Variants in MAPK8 observed in about 807,000 individuals in gnomAD.
MAPK8 encodes mitogen-activated protein kinase 8.
A neutral mutation model predicts 52.9 loss-of-function variants in MAPK8; 13 were observed. That is an observed-to-expected ratio of 0.25 (90% CI 0.16 to 0.39). The LOEUF (loss-of-function observed/expected upper bound fraction) is 0.39, where lower values mean the gene tolerates loss of function less well. MAPK8 is among the 10% of genes least tolerant of loss of function. The pLI, the probability that MAPK8 is intolerant of heterozygous loss-of-function variation, is 1.00. For synonymous variants in MAPK8, 191 were observed against 169.8 expected, an observed-to-expected ratio of 1.12 and a Z score of -0.97; for missense variants, 300 against 519.2, an observed-to-expected ratio of 0.58 and a Z score of 4.10.
chr10:48,388,864 G>T (rs562194535), intron 1 of MAPK8, among the ~76,000 whole-genome samples: 2 of 152,012 alleles, frequency 1.3e-5, no homozygotes, highest in Non-Finnish European at 1.5e-5. Context: ...AGGAGGAACC[G>T]TAAAGTCCAA....
chr10:48,367,773 C>T (rs931926553), intron 1 of MAPK8, among the ~76,000 whole-genome samples: 4 of 152,040 alleles, frequency 2.6e-5, no homozygotes, highest in South Asian at 2.1e-4. Context: ...TAAAATTCAA[C>T]GAAAGATACC....
At chr10:48,406,414 T>C (rs974409863) in intron 3 of MAPK8, among the ~76,000 whole-genome samples, 2 of 152,164 alleles carry the variant, frequency 1.3e-5, no homozygotes, top group African/African-American at 4.8e-5. Context: ...TAATCCTACC[T>C]CTCAAGCCTG....
At position 48,321,089 on chromosome 10, in the gene MAPK8, GT is replaced by G. The variant is rs34616108; in HGVS notation, c.-50+14291del. ...TTTATCTTTTTATTACGTTGTAAGA[GT>G]TTTTTTTTTTTTTTTTTTTTTTAAG... On this transcript the variant is annotated intron_variant, in intron 1 of 11. Transcript: ENST00000374189. 2.3e-3 allele frequency among the ~76,000 whole-genome samples: 219 copies of G among 94,002 alleles called. 1 individual carries two copies. The highest frequency in any genetic ancestry group is 4.2e-3 in the African/African-American group (97 of 22,846). 61.7% of individuals were successfully genotyped at this position (94,002 alleles called of 152,430 possible).
At chr10:48,393,180 A>G (rs1384329069) in intron 1 of MAPK8, among the ~76,000 whole-genome samples, 2 of 152,136 alleles carry the variant, frequency 1.3e-5, no homozygotes. Flanking sequence ...TGCTCCAGTT[A>G]CAGTGACAAC....
intron 10 of MAPK8, 177 bp downstream of exon 10, chr10:48,427,320 A>C: frequency 2.1e-6 from 1 of 481,978 alleles, no homozygotes; most frequent in Non-Finnish European, 3.8e-6. Context: ...CTTAATCTTA[A>C]GTTCCCAAGT....
At position 48,311,796 on chromosome 10, in the gene MAPK8, C is replaced by T. The variant is rs527529592; in HGVS notation, c.-50+4975C>T. On this transcript the variant is annotated intron_variant, in intron 1 of 11. Coordinates refer to ENST00000374189, the MANE Select transcript of MAPK8 (RefSeq NM_001323329.2). Reference sequence around the variant, plus strand: ...GTGGTTTTCTAAGTCTTCTGTTTAGCGTTTCTATGATTATAATGGTGGATT... The same window carrying T: ...GTGGTTTTCTAAGTCTTCTGTTTAGTGTTTCTATGATTATAATGGTGGATT... 3.9e-5 allele frequency among the ~76,000 whole-genome samples: 6 copies of T among 152,250 alleles called. No individual in the cohort carries two copies. In the South Asian group the frequency reaches 6.2e-4, roughly 16 times the overall value.
rs2132658782 is a variant in MAPK8 at position 48,374,292 on chromosome 10, G to A, written c.-49-27320G>A. ...ACTAAATGCCCATAAGAGAAAGCAG[G>A]AAAGATCCAAAATCGACACCCTAAC... is the stretch of plus-strand genomic sequence containing the variant. On this transcript the variant is annotated intron_variant, in intron 1 of 11. Coordinates refer to ENST00000374189, the MANE Select transcript of MAPK8 (RefSeq NM_001323329.2). Among the ~76,000 whole-genome samples, 5 of 152,136 alleles carry A rather than the reference G, an allele frequency of 3.3e-5. 1 individual carries two copies. In the South Asian group the frequency reaches 1.0e-3, roughly 32 times the overall value.
intron 1 of MAPK8, among the ~76,000 whole-genome samples, chr10:48,384,963 AAG>A (rs1205372011): frequency 2.6e-5 from 4 of 151,582 alleles, no homozygotes; most frequent in Non-Finnish European, 5.9e-5. Flanking sequence ...CAGAGAACAG[AAG>A]AGAGGCTCAT....
At chr10:48,414,128 A>T (rs1328638366) in intron 5 of MAPK8, among the ~76,000 whole-genome samples, 1 of 151,500 alleles carries the variant, frequency 6.6e-6, no homozygotes, top group Non-Finnish European at 1.5e-5. Flanking sequence ...GTCTTTGTAT[A>T]TTTGTCTATT....
At chr10:48,390,343 C>T (rs2041552926) in intron 1 of MAPK8, among the ~76,000 whole-genome samples, 1 of 152,024 alleles carries the variant, frequency 6.6e-6, no homozygotes. Context: ...ATATGGGCAC[C>T]CTGTGTCCTA....
chr10:48,323,280 T>TA (rs1390961410), intron 1 of MAPK8, among the ~76,000 whole-genome samples: 2 of 152,226 alleles, frequency 1.3e-5, no homozygotes, highest in African/African-American at 4.8e-5. Context: ...ATATTTGTTG[T>TA]AATGATATTG....
At chr10:48,381,295 A>C (rs1212032242) in intron 1 of MAPK8, among the ~76,000 whole-genome samples, 1 of 152,076 alleles carries the variant, frequency 6.6e-6, no homozygotes, top group Non-Finnish European at 1.5e-5. Context: ...ATATCATGTA[A>C]ATTTTGAAAC....
At chr10:48,399,398 C>T (rs2042046022) in intron 1 of MAPK8, among the ~76,000 whole-genome samples, 1 of 152,218 alleles carries the variant, frequency 6.6e-6, no homozygotes, top group Non-Finnish European at 1.5e-5. Context: ...AAGGGTACTA[C>T]TAGCTGGGGC....
Position 48,339,510 on chromosome 10 carries a change from G to A in MAPK8, c.-50+32689G>A, listed in dbSNP as rs75619903. ...AAGAAAACCTAGGAAAATATCTTTT[G>A]AACATTTAAAGAATTTATGACTAAG... On this transcript the variant is annotated intron_variant, in intron 1 of 11. Coordinates refer to ENST00000374189, the MANE Select transcript of MAPK8 (RefSeq NM_001323329.2). Among the ~76,000 whole-genome samples the A allele has an allele frequency of 8.3e-3, 1,265 of 152,094 alleles. 19 individuals are homozygous for A. Among genetic ancestry groups the A allele is most frequent in the African/African-American group, 0.029 (1,208 of 41,494 alleles).
At chr10:48,383,282 A>G (rs1264894513) in intron 1 of MAPK8, among the ~76,000 whole-genome samples, 2 of 152,150 alleles carry the variant, frequency 1.3e-5, no homozygotes, top group Non-Finnish European at 2.9e-5. Context: ...GTAGCCACAA[A>G]TAAGGTGCAA....
chr10:48,338,704 C>A lies in MAPK8; in HGVS notation c.-50+31883C>A, dbSNP rs1005409028. The stretch of plus-strand genomic sequence containing the variant: ...AAAGATTCCCCGAAAGACTCCTGGA[C>A]CTGAGAAACAACTCCAGTAAAGTTT... On this transcript the variant is annotated intron_variant, in intron 1 of 11. Transcript: ENST00000374189. 2.6e-5 allele frequency among the ~76,000 whole-genome samples: 4 copies of A among 152,158 alleles called. No individual in the cohort carries two copies. The East Asian group carries it at 5.8e-4, about 22-fold the overall frequency.
intron 7 of MAPK8, chr10:48,425,357 A>C: frequency 2.1e-6 from 1 of 473,938 alleles, no homozygotes; most frequent in Non-Finnish European, 3.8e-6. Context: ...ATTTTTTTAA[A>C]CCTAAGCTAA....
intron 1 of MAPK8, among the ~76,000 whole-genome samples, chr10:48,335,285 A>G (rs545005840): frequency 4.6e-5 from 7 of 152,156 alleles, no homozygotes. Flanking sequence ...AATAAATTTT[A>G]AAAAGTTTAA....
chr10:48,383,908 C>T (rs189620997), intron 1 of MAPK8, among the ~76,000 whole-genome samples: 35 of 152,214 alleles, frequency 2.3e-4, no homozygotes, highest in Admixed American at 2.2e-3. Context: ...ATATATAACT[C>T]AAAAGTCCAG....
Sources: gnomAD v4.1 joint callset for allele counts (sites outside exome capture counted in the v4.1 genomes callset) on GRCh38, gnomAD v4.1.1 for gene constraint, MANE v1.5 for transcripts, NCBI Gene and HGNC (gene_info 2026-07-23, HGNC 2026-07-21) for gene names.